The following PDE1C variants were observed in gnomAD, a reference collection of about 807,000 sequenced individuals.
The protein encoded by PDE1C is dual specificity calcium/calmodulin-dependent 3',5'-cyclic nucleotide phosphodiesterase 1C.
A neutral mutation model predicts 93.1 loss-of-function variants in PDE1C; 62 were observed. The ratio of observed to expected loss-of-function variants is 0.67; its 90% CI spans 0.54 to 0.82. PDE1C has a LOEUF of 0.82. PDE1C is among the 40% of genes least tolerant of loss of function. The pLI is 0.00. For synonymous variants in PDE1C, 325 were observed against 310.1 expected, an observed-to-expected ratio of 1.05 and a Z score of -0.50; for missense variants, 742 against 884.6, an observed-to-expected ratio of 0.84 and a Z score of 2.04.
intron 1 of PDE1C, among the ~76,000 whole-genome samples, chr7:32,405,131 A>G (rs1373463423): frequency 6.6e-6 from 1 of 152,194 alleles, no homozygotes; most frequent in Non-Finnish European, 1.5e-5. Context: ...TCTGTTGTAC[A>G]GGTAGTGGGA....
chr7:32,240,628 A>G (rs1808475546), intron 1 of PDE1C, among the ~76,000 whole-genome samples: 1 of 152,176 alleles, frequency 6.6e-6, no homozygotes, highest in Non-Finnish European at 1.5e-5. Context: ...CAAAAATTTT[A>G]CTAAAAAAGG....
chr7:31,725,082 A>C, the PDE1C span, among the ~76,000 whole-genome samples: 1 of 152,150 alleles, frequency 6.6e-6, no homozygotes, highest in Non-Finnish European at 1.5e-5. Context: ...TTGTCTGGGA[A>C]AAGTGTAAGC....
chr7:32,329,106 T>C (rs6950141), intron 1 of PDE1C, among the ~76,000 whole-genome samples: 61,050 of 151,896 alleles, frequency 0.4, 13,462 homozygotes, highest in African/African-American at 0.57. Flanking sequence ...GTGGCATACA[T>C]GTGTAGTCCC....
the PDE1C span, chr7:31,707,354 A>G: frequency 6.2e-6 from 8 of 1,299,984 alleles, no homozygotes; most frequent in East Asian, 1.9e-4. Flanking sequence ...GAAAAAATAG[A>G]CTTGTTTCTG....
At chr7:31,662,733 T>C in the PDE1C span, among the ~76,000 whole-genome samples, 1 of 152,200 alleles carries the variant, frequency 6.6e-6, no homozygotes, top group South Asian at 2.1e-4. Context: ...CCTTCCACAG[T>C]TGGTAAGAAA....
At chr7:31,826,795 C>T (rs1376890982) in intron 12 of PDE1C, among the ~76,000 whole-genome samples, 2 of 152,262 alleles carry the variant, frequency 1.3e-5, no homozygotes, top group East Asian at 3.9e-4. Context: ...CTCTATGCTA[C>T]TGGCAAAGAA....
chr7:31,827,419 T>A (rs2128746142), intron 12 of PDE1C, among the ~76,000 whole-genome samples: 1 of 152,300 alleles, frequency 6.6e-6, no homozygotes, highest in Middle Eastern at 3.4e-3. Context: ...GGTACAAAAG[T>A]CTACCTTGGC....
At chr7:32,330,005 C>T (rs926812596) in intron 1 of PDE1C, among the ~76,000 whole-genome samples, 4 of 152,240 alleles carry the variant, frequency 2.6e-5, no homozygotes, top group Non-Finnish European at 5.9e-5. Context: ...ACTCAGCAGA[C>T]GTTGCCCTGA....
chr7:32,141,249 T>C (rs1800504421), intron 3 of PDE1C, among the ~76,000 whole-genome samples: 1 of 152,098 alleles, frequency 6.6e-6, no homozygotes, highest in South Asian at 2.1e-4. Context: ...AGAGAATAGC[T>C]CAAGGACAGG....
At chr7:31,767,594 T>C (rs1246508667) in intron 17 of PDE1C, among the ~76,000 whole-genome samples, 2 of 152,214 alleles carry the variant, frequency 1.3e-5, no homozygotes, top group East Asian at 3.8e-4. Context: ...AATTACTCAG[T>C]CTCAGGTAGT....
chr7:31,991,862 T>C (rs954795215), intron 2 of PDE1C, among the ~76,000 whole-genome samples: 6 of 152,200 alleles, frequency 3.9e-5, no homozygotes, highest in African/African-American at 1.4e-4. Flanking sequence ...TGCTTCCTTT[T>C]CCCTGGACAC....
the PDE1C span, among the ~76,000 whole-genome samples, chr7:31,667,386 C>T: frequency 7.4e-4 from 112 of 152,270 alleles, no homozygotes; most frequent in African/African-American, 2.6e-3. Context: ...AGGAACTTCT[C>T]CTAAACTTGC....
At chr7:32,234,274 C>T (rs545988328) in intron 1 of PDE1C, among the ~76,000 whole-genome samples, 65 of 151,828 alleles carry the variant, frequency 4.3e-4, no homozygotes, top group South Asian at 3.1e-3. Context: ...CAGAACCCAA[C>T]GAAATATTTA....
intron 1 of PDE1C, among the ~76,000 whole-genome samples, chr7:32,398,070 G>GT (rs1784868800): frequency 6.6e-6 from 1 of 151,564 alleles, no homozygotes; most frequent in African/African-American, 2.4e-5. Flanking sequence ...GGAGAATGGC[G>GT]TGAACCCAGC....
At chr7:32,243,750 G>A (rs930333325) in intron 1 of PDE1C, among the ~76,000 whole-genome samples, 2 of 152,168 alleles carry the variant, frequency 1.3e-5, no homozygotes, top group Non-Finnish European at 2.9e-5. Context: ...ATGTAAAGGT[G>A]GAGTATAATA....
At chr7:32,307,413 T>C (rs114569287) in intron 1 of PDE1C, among the ~76,000 whole-genome samples, 3,258 of 152,156 alleles carry the variant, frequency 0.021, 116 homozygotes, top group African/African-American at 0.074. Flanking sequence ...TAAACACACA[T>C]CCCTTCCTCC....
chr7:32,034,338 A>G (rs1790751350), intron 2 of PDE1C, among the ~76,000 whole-genome samples: 1 of 151,986 alleles, frequency 6.6e-6, no homozygotes, highest in Non-Finnish European at 1.5e-5. Context: ...CCTACCCATT[A>G]TGGCTCAATC....
At chr7:31,890,074 A>G (rs1210925201) in intron 2 of PDE1C, among the ~76,000 whole-genome samples, 1 of 152,180 alleles carries the variant, frequency 6.6e-6, no homozygotes, top group Non-Finnish European at 1.5e-5. Flanking sequence ...AGGCGAGCAG[A>G]CCTTATTGGG....
chr7:31,909,863 T>G (rs1801016283), intron 2 of PDE1C, among the ~76,000 whole-genome samples: 2 of 152,150 alleles, frequency 1.3e-5, no homozygotes, highest in Non-Finnish European at 2.9e-5. Flanking sequence ...TTTCCGCAAA[T>G]TGGCACCATT....
Sources: gnomAD v4.1 joint callset for allele counts (sites outside exome capture counted in the v4.1 genomes callset) on GRCh38, gnomAD v4.1.1 for gene constraint, MANE v1.5 for transcripts, NCBI Gene and HGNC (gene_info 2026-07-23, HGNC 2026-07-21) for gene names.